Variants in CRELD2 observed in about 807,000 individuals in gnomAD.
CRELD2 encodes the protein protein disulfide isomerase CRELD2.
CRELD2 carries 33 observed loss-of-function variants against 48.1 expected under a neutral mutation model. That is an observed-to-expected ratio of 0.69 (90% CI 0.52 to 0.92). CRELD2 has a LOEUF of 0.92. Among genes scored for constraint, CRELD2 ranks in the 40% least tolerant of loss-of-function variants. CRELD2 has a pLI of 0.00. For synonymous variants in CRELD2, 220 were observed against 203.9 expected (o/e 1.08, Z -0.67); for missense variants, 477 against 482.4 (o/e 0.99, Z 0.10).
chr22:49,918,978 GC>G, intron 1 of CRELD2, 80 bp downstream of exon 1: 2 of 1,195,952 alleles, frequency 1.7e-6, no homozygotes, highest in African/African-American at 1.6e-5. Flanking sequence ...CCCACCTTGG[GC>G]CCAGGGTCGC....
Position 49,918,736 on chromosome 22 carries a change from G to C in CRELD2, c.-34G>C, listed in dbSNP as rs903498327. The stretch of plus-strand genomic sequence containing the variant: ...GAGCAGCACGGCCGCAGGACCTGGA[G>C]CTCCGGCTGCGTCTTCCCGCAGCGC... On this transcript the variant is annotated 5_prime_UTR_variant, in exon 1 of 10. Transcript: ENST00000328268. 9 of 888,188 alleles carry C rather than the reference G, an allele frequency of 1.0e-5. No individual in the cohort carries two copies. Among genetic ancestry groups the C allele is most frequent in the Non-Finnish European group, 1.0e-5 (7 of 666,742 alleles). 55.0% of individuals were successfully genotyped at this position (888,188 alleles called of 1,614,324 possible).
intron 6 of CRELD2, 148 bp downstream of exon 6, chr22:49,922,855 T>TG (rs2060711312): frequency 2.1e-5 from 1 of 48,328 alleles, no homozygotes; most frequent in African/African-American, 2.6e-4. Context: ...GCGTGAGGTG[T>TG]GGGGCTTGGG....
In CRELD2 at chr22:49,920,222, A is replaced by C; in HGVS notation, c.390A>C (p.Pro130=). 1 of 1,612,552 alleles carries C rather than the reference A, an allele frequency of 6.2e-7. No homozygotes were observed. The highest frequency in any genetic ancestry group is 1.1e-5 in the South Asian group (1 of 91,026). Residue 130 remains proline, a synonymous_variant, in exon 4 of 10, where the codon CCA becomes CCC. Coordinates refer to ENST00000328268, the MANE Select transcript of CRELD2 (RefSeq NM_024324.5). ...CVKTLKVCCS[P]GTYGPDCLAC... ...AGACACTGAAAGTGTGCTGCTCTCCAGGAACCTACGGTCCCGACTGTCTCG... is the reference window on the plus strand; with the variant it reads ...AGACACTGAAAGTGTGCTGCTCTCCCGGAACCTACGGTCCCGACTGTCTCG...
intron 4 of CRELD2, among the ~76,000 whole-genome samples, chr22:49,920,679 T>A (rs1819742687): frequency 6.6e-6 from 1 of 152,238 alleles, no homozygotes; most frequent in African/African-American, 2.4e-5. Flanking sequence ...GCACATGGCC[T>A]TGAGCCCCAA....
At position 49,925,283 on chromosome 22, in the gene CRELD2, T is replaced by C. The variant is rs958406235; in HGVS notation, c.869-134T>C. The stretch of plus-strand genomic sequence containing the variant: ...CCCTCTCGAAGCCTTTCCTGATCTT[T>C]GCTCCTTTCTGTAACGTGACGTTTG... On this transcript the variant is annotated intron_variant, in intron 8 of 9. Transcript: ENST00000328268. 7 of 686,380 alleles carry C rather than the reference T, an allele frequency of 1.0e-5. No individual in the cohort carries two copies. The Middle Eastern group carries it at 1.2e-3, about 116-fold the overall frequency. 42.5% of individuals were successfully genotyped at this position (686,380 alleles called of 1,614,324 possible).
chr22:49,918,737 C>T lies in CRELD2; in HGVS notation c.-33C>T, dbSNP rs2060640110. On this transcript the variant is annotated 5_prime_UTR_variant, in exon 1 of 10. Coordinates refer to ENST00000328268, the MANE Select transcript of CRELD2 (RefSeq NM_024324.5). ...AGCAGCACGGCCGCAGGACCTGGAG[C>T]TCCGGCTGCGTCTTCCCGCAGCGCT... The T allele has an allele frequency of 3.4e-6, 3 of 892,036 alleles. No homozygotes were observed. The highest frequency in any genetic ancestry group is 1.7e-5 in the African/African-American group (1 of 57,200). 55.3% of individuals were successfully genotyped at this position (892,036 alleles called of 1,614,324 possible). A position where few individuals can be genotyped will look rare whatever the true frequency, so the allele number is the denominator to read the frequency against.
intron 2 of CRELD2, among the ~76,000 whole-genome samples, chr22:49,919,519 C>G (rs2060654664): frequency 6.6e-6 from 1 of 152,272 alleles, no homozygotes; most frequent in Admixed American, 6.5e-5. Context: ...CCTACCCCCT[C>G]AACAGACAGT....
chr22:49,921,390 G>A, intron 4 of CRELD2, 195 bp from the exon 5 acceptor site: 2 of 605,866 alleles, frequency 3.3e-6, no homozygotes, highest in Non-Finnish European at 5.7e-6. Flanking sequence ...CCTGTGGCTT[G>A]CTCCACTCAG....
chr22:49,919,610 A>G, intron 2 of CRELD2, 120 bp from the exon 3 acceptor site: 1 of 713,610 alleles, frequency 1.4e-6, no homozygotes, highest in Non-Finnish European at 2.3e-6. Flanking sequence ...GGGTCCCCTT[A>G]TTCTCTGTGC....
chr22:49,919,933 G>T, intron 3 of CRELD2, 93 bp downstream of exon 3: 1 of 1,040,946 alleles, frequency 9.6e-7, no homozygotes, highest in African/African-American at 1.6e-5. Flanking sequence ...GGAACAGTAG[G>T]GAGCTCCCAC....
At chr22:49,921,864 A>G (rs2060691644) in intron 5 of CRELD2, 103 bp downstream of exon 5, 3 of 1,207,650 alleles carry the variant, frequency 2.5e-6, no homozygotes, top group South Asian at 2.9e-5. Context: ...TTGATCTTTA[A>G]CCCCAGATGT....
At chr22:49,922,920 C>CTTG (rs2060715570) in intron 6 of CRELD2, among the ~76,000 whole-genome samples, 2 of 23,688 alleles carry the variant, frequency 8.4e-5, no homozygotes, top group African/African-American at 7.2e-4. Flanking sequence ...GGTGTGGGGG[C>CTTG]GTGAGGTGGG....
chr22:49,924,359 G>C lies in CRELD2; in HGVS notation c.773-1G>C. 6.2e-7 allele frequency: 1 copy of C among 1,609,738 alleles called. No homozygotes were observed. Among genetic ancestry groups the C allele is most frequent in the Non-Finnish European group, 8.5e-7 (1 of 1,177,884 alleles). The stretch of plus-strand genomic sequence containing the variant: ...GGTCTGACGCTGGCTCCCTGTTGCA[G>C]AGTGTGACTCCAGCTGTGTGGGCTG... On this transcript the variant is annotated splice_acceptor_variant, in intron 7 of 9. Transcript: ENST00000328268. LOFTEE classifies it high-confidence loss of function.
intron 6 of CRELD2, 142 bp from the exon 7 acceptor site, chr22:49,923,092 T>A: frequency 3.1e-6 from 2 of 640,248 alleles, no homozygotes; most frequent in Non-Finnish European, 5.3e-6. Context: ...GCATTTGAGA[T>A]GATTCCTCCT....
At chr22:49,921,100 C>A (rs1176812259) in intron 4 of CRELD2, among the ~76,000 whole-genome samples, 1 of 152,042 alleles carries the variant, frequency 6.6e-6, no homozygotes, top group Non-Finnish European at 1.5e-5. Flanking sequence ...ATGGTGCAGC[C>A]GCTCTGCACC....
In CRELD2 at chr22:49,921,722, T is replaced by G; in HGVS notation, c.553T>G (p.Phe185Val). ...PLCTDCMDGY[F>V]SSLRNETHSI... ...GTGCACTGACTGCATGGACGGCTAC[T>G]TCAGCTCGCTCCGGAACGAGACCCA... Residue 185 changes from phenylalanine (F) to valine (V), a missense_variant, in exon 5 of 10, where the codon TTC becomes GTC. By Grantham distance (50) the Phe-to-Val change is conservative. Transcript: ENST00000328268. 1.9e-6 allele frequency: 3 copies of G among 1,612,792 alleles called. No individual in the cohort carries two copies. The highest frequency in any genetic ancestry group is 2.5e-6 in the Non-Finnish European group (3 of 1,179,902).
intron 4 of CRELD2, 33 bp downstream of exon 4, chr22:49,920,280 A>C (rs778268944): frequency 7.2e-7 from 1 of 1,389,428 alleles, no homozygotes; most frequent in Non-Finnish European, 1.0e-6. Flanking sequence ...CCCATCTCCT[A>C]CGTCACTTCC....
intron 6 of CRELD2, 110 bp from the exon 7 acceptor site, chr22:49,923,123 GC>G: frequency 2.5e-6 from 2 of 808,016 alleles, no homozygotes; most frequent in Non-Finnish European, 1.9e-6. Context: ...CCTCCTCCCT[GC>G]CCTTCCCCAG....
At position 49,924,342 on chromosome 22, in the gene CRELD2, G is replaced by A. The variant is rs549690574; in HGVS notation, c.773-18G>A. 2 of 1,594,998 alleles carry A rather than the reference G, an allele frequency of 1.3e-6. No individual in the cohort carries two copies. Among genetic ancestry groups the A allele is most frequent in the South Asian group, 2.2e-5 (2 of 89,330 alleles). The stretch of plus-strand genomic sequence containing the variant: ...TGCCTTGTGCATGTCGGGGTCTGAC[G>A]CTGGCTCCCTGTTGCAGAGTGTGAC... On this transcript the variant is annotated intron_variant, in intron 7 of 9. Coordinates refer to ENST00000328268, the MANE Select transcript of CRELD2 (RefSeq NM_024324.5).
Sources: gnomAD v4.1 joint callset for allele counts (sites outside exome capture counted in the v4.1 genomes callset) on GRCh38, gnomAD v4.1.1 for gene constraint, MANE v1.5 for transcripts, NCBI Gene and HGNC (gene_info 2026-07-23, HGNC 2026-07-21) for gene names.